TCP11: variants seen among roughly 807,000 people sequenced by gnomAD.
The protein encoded by TCP11 is T-complex protein 11 homolog.
A neutral mutation model predicts 45.0 loss-of-function variants in TCP11; 34 were observed. That is an observed-to-expected ratio of 0.76 (90% confidence interval 0.57 to 1.01). TCP11 has a LOEUF of 1.01. TCP11 is among the 50% of genes least tolerant of loss of function. The pLI, the probability that TCP11 is intolerant of heterozygous loss-of-function variation, is 0.00. For synonymous variants in TCP11, 227 were observed against 227.0 expected (o/e 1.00, Z 0.00); for missense variants, 523 against 598.1 (o/e 0.87, Z 1.31).
At chr6:35,136,318 G>T in intron 2 of TCP11, 100 bp from the exon 3 acceptor site, 1 of 812,642 alleles carries the variant, frequency 1.2e-6, no homozygotes, top group Non-Finnish European at 2.0e-6. Flanking sequence ...AATCAAACTG[G>T]TCTTACACAG....
chr6:35,128,980 A>C, intron 4 of TCP11, 82 bp downstream of exon 4: 1 of 1,547,616 alleles, frequency 6.5e-7, no homozygotes, highest in African/African-American at 1.4e-5. Flanking sequence ...GACCATGTTC[A>C]GTTAAGATTT....
chr6:35,120,691 C>T lies in TCP11; in HGVS notation c.716-45G>A. 6.4e-7 allele frequency: 1 copy of T among 1,564,982 alleles called. No individual in the cohort carries two copies. Among genetic ancestry groups the T allele is most frequent in the Non-Finnish European group, 8.7e-7 (1 of 1,149,408 alleles). On this transcript the variant is annotated intron_variant, in intron 6 of 9. Coordinates refer to ENST00000311875, the MANE Select transcript of TCP11 (RefSeq NM_001370687.1). The surrounding 1 kb of genome is among the most constrained non-coding windows in gnomAD (Gnocchi z 4.9). ...GTGTAAGCATCTTTAGCATCTTCAT[C>T]TCTGAGGCTTCAAGACCAAGGTTCT...
intron 3 of TCP11, among the ~76,000 whole-genome samples, chr6:35,135,620 T>TAAAAAA (rs35859439): frequency 8.2e-6 from 1 of 121,558 alleles, no homozygotes. Flanking sequence ...ACCCCATCTC[T>TAAAAAA]AAAAAAAAAA....
Position 35,140,731 on chromosome 6 carries a change from GC to G in TCP11, c.124+15del. On this transcript the variant is annotated intron_variant, in intron 2 of 9. Transcript: ENST00000311875. ...CACCCCCTAGGGGGCCACAGGGACT[GC>G]CGAGCTGGACCTACAGGGAGGGGGG... 1 of 1,525,554 alleles carries G rather than the reference GC, an allele frequency of 6.6e-7. No homozygotes were observed. Among genetic ancestry groups the G allele is most frequent in the South Asian group, 1.3e-5 (1 of 75,970 alleles). 94.5% of individuals were successfully genotyped at this position (1,525,554 alleles called of 1,614,324 possible).
intron 3 of TCP11, among the ~76,000 whole-genome samples, chr6:35,129,429 G>T (rs1312164696): frequency 6.6e-6 from 1 of 152,214 alleles, no homozygotes; most frequent in Admixed American, 6.5e-5. Flanking sequence ...CTCTGCAGTA[G>T]AAAGAACCCT....
rs772490559 is a variant in TCP11, at chr6:35,140,052, T to C, written c.124+695A>G. 8.1e-6 allele frequency: 13 copies of C among 1,614,090 alleles called. No homozygotes were observed. The Admixed American group carries it at 1.3e-4, about 17-fold the overall frequency. ...TCATAGCTGTTGGAAATGACCCCAATATGCCTTTTGGTGCCATTCAGTTAA... is the reference window on the plus strand; with the variant it reads ...TCATAGCTGTTGGAAATGACCCCAACATGCCTTTTGGTGCCATTCAGTTAA... On this transcript the variant is annotated intron_variant, in intron 2 of 9. Coordinates refer to ENST00000311875, the MANE Select transcript of TCP11 (RefSeq NM_001370687.1).
At position 35,120,897 on chromosome 6, in the gene TCP11, T is replaced by C; in HGVS notation, c.715+12A>G. On this transcript the variant is annotated intron_variant, in intron 6 of 9. Coordinates refer to ENST00000311875, the MANE Select transcript of TCP11 (RefSeq NM_001370687.1). The surrounding 1 kb of genome is among the most constrained non-coding windows in gnomAD (Gnocchi z 4.9). ...TACCTTTCCCACTCCTGCCCTCACA[T>C]TATATACATACTAGGCTGCTTATTG... 1.9e-6 allele frequency: 3 copies of C among 1,610,922 alleles called. No individual in the cohort carries two copies. The highest frequency in any genetic ancestry group is 2.5e-6 in the Non-Finnish European group (3 of 1,178,470).
intron 4 of TCP11, among the ~76,000 whole-genome samples, chr6:35,126,938 G>A (rs947771744): frequency 3.9e-5 from 6 of 152,110 alleles, no homozygotes; most frequent in African/African-American, 9.7e-5. Flanking sequence ...GATTACAGGT[G>A]TGAGCCACTG....
At chr6:35,125,443 G>A (rs1779721810) in intron 4 of TCP11, among the ~76,000 whole-genome samples, 1 of 152,162 alleles carries the variant, frequency 6.6e-6, no homozygotes, top group Non-Finnish European at 1.5e-5. Context: ...TAGCCATTAA[G>A]AGAAATGCAA....
rs746025054 is a variant in TCP11 at position 35,119,406 on chromosome 6, AAAGT to A, written c.1116-19_1116-16del. The A allele has an allele frequency of 6.2e-7, 1 of 1,612,636 alleles. No homozygotes were observed. The highest frequency in any genetic ancestry group is 8.5e-7 in the Non-Finnish European group (1 of 1,179,188). On this transcript the variant is annotated splice_polypyrimidine_tract_variant and intron_variant, in intron 8 of 9. Transcript: ENST00000311875. ...CTTCCTCAGGCCTAGACCATGAAAG[AAAGT>A]AAGCTGGCACCCACCAGGTAACCCT...
At chr6:35,126,650 CTTTTTTTT>C (rs56010838) in intron 4 of TCP11, among the ~76,000 whole-genome samples, 17 of 66,896 alleles carry the variant, frequency 2.5e-4, no homozygotes, top group African/African-American at 4.8e-4. Context: ...GAATCAAAGA[CTTTTTTTT>C]TTTTTTTTTT....
At position 35,118,377 on chromosome 6, in the gene TCP11, G is replaced by T; in HGVS notation, c.1404C>A (p.Val468=). 6.2e-7 allele frequency: 1 copy of T among 1,614,188 alleles called. No individual in the cohort carries two copies. The highest frequency in any genetic ancestry group is 1.1e-5 in the South Asian group (1 of 91,080). ...CCTGCTGATTGTGATGTGTCAAGTT[G>T]ACAAACTTTTGGCCCAGTTCTGCCA... ...AELAELGQKF[V]NLTHHNQQVF... The change falls in exon 10 of 10, where the codon GTC becomes GTA. Residue 468 remains valine, a synonymous_variant. Transcript: ENST00000311875.
At position 35,118,188 on chromosome 6, in the gene TCP11, G is replaced by A; in HGVS notation, c.*81C>T. 1 of 1,194,396 alleles carries A rather than the reference G, an allele frequency of 8.4e-7. No individual in the cohort carries two copies. 74.0% of individuals were successfully genotyped at this position (1,194,396 alleles called of 1,614,324 possible). On this transcript the variant is annotated 3_prime_UTR_variant, in exon 10 of 10. Coordinates refer to ENST00000311875, the MANE Select transcript of TCP11 (RefSeq NM_001370687.1). Reference sequence around the variant, plus strand: ...GGCCTGGGATAGAAGCTCACTGTCTGCTGGTCACTGGTGATGTTACTCCAG... The same window carrying A: ...GGCCTGGGATAGAAGCTCACTGTCTACTGGTCACTGGTGATGTTACTCCAG...
intron 9 of TCP11, 91 bp downstream of exon 9, chr6:35,119,137 T>G (rs537733962): frequency 1.3e-6 from 2 of 1,502,890 alleles, no homozygotes; most frequent in South Asian, 2.5e-5. Context: ...ACGTACCTAA[T>G]GACCATGCTT....
chr6:35,139,399 A>G (rs1781476695), intron 2 of TCP11, among the ~76,000 whole-genome samples: 1 of 152,218 alleles, frequency 6.6e-6, no homozygotes, highest in African/African-American at 2.4e-5. Context: ...AGGAGATTGT[A>G]GACCTTTACC....
intron 3 of TCP11, among the ~76,000 whole-genome samples, chr6:35,131,339 G>A (rs187150826): frequency 0.014 from 2,169 of 151,926 alleles, 28 homozygotes; most frequent in Middle Eastern, 0.021. Context: ...GGGCCGAGGC[G>A]GGCGGATCAC....
intron 2 of TCP11, among the ~76,000 whole-genome samples, chr6:35,137,425 AATC>A (rs535492113): frequency 2.5e-3 from 367 of 146,800 alleles, no homozygotes; most frequent in African/African-American, 8.5e-3. Flanking sequence ...CCACCACCAA[AATC>A]ATCATTTCAT....
At chr6:35,133,302 G>T (rs1240939303) in intron 3 of TCP11, among the ~76,000 whole-genome samples, 1 of 151,904 alleles carries the variant, frequency 6.6e-6, no homozygotes, top group African/African-American at 2.4e-5. Context: ...CCAGTCTCCT[G>T]CATAGCTAGG....
intron 3 of TCP11, among the ~76,000 whole-genome samples, chr6:35,135,306 C>T (rs897509464): frequency 2.0e-5 from 3 of 152,232 alleles, no homozygotes; most frequent in East Asian, 1.9e-4. Context: ...TACATATATA[C>T]ACCATGTTTA....
Sources: allele counts gnomAD v4.1 joint callset (sites outside exome capture counted in the v4.1 genomes callset), GRCh38; gene constraint gnomAD v4.1.1; non-coding constraint Gnocchi (gnomAD v3.1); transcripts MANE v1.5; gene names NCBI Gene and HGNC (gene_info 2026-07-23, HGNC 2026-07-21).